CEP170: variants seen among roughly 807,000 people sequenced by gnomAD.
The protein encoded by CEP170 is centrosomal protein 170.
CEP170 carries 21 observed loss-of-function variants against 151.9 expected under a neutral mutation model. The ratio of observed to expected loss-of-function variants is 0.14; its 90% CI spans 0.10 to 0.20. The LOEUF is 0.20. Ranked by LOEUF, CEP170 falls within the 10% of genes least tolerant of loss-of-function variation. CEP170 has a pLI of 1.00. For synonymous variants in CEP170, 356 were observed against 648.8 expected, an observed-to-expected ratio of 0.55 and a Z score of 6.86; for missense variants, 964 against 1,892.9, an observed-to-expected ratio of 0.51 and a Z score of 9.11.
chr1:243,237,648 T>C (rs1003562281), intron 1 of CEP170, among the ~76,000 whole-genome samples: 5 of 152,190 alleles, frequency 3.3e-5, no homozygotes, highest in South Asian at 2.1e-4. Context: ...ACGCCTGTAA[T>C]CCCAGCACTT....
chr1:243,226,049 A>ATATATC (rs1558645311), intron 1 of CEP170, among the ~76,000 whole-genome samples: 73 of 9,828 alleles, frequency 7.4e-3, no homozygotes, highest in African/African-American at 9.0e-3. Context: ...CTCTAGATAT[A>ATATATC]TATATCTAGA....
At chr1:243,152,303 G>A (rs2057163870) in intron 14 of CEP170, among the ~76,000 whole-genome samples, 1 of 145,298 alleles carries the variant, frequency 6.9e-6, no homozygotes, top group South Asian at 2.2e-4. Context: ...GTCACTGCAA[G>A]CTCCGCCTCC....
intron 3 of CEP170, among the ~76,000 whole-genome samples, chr1:243,217,224 C>A (rs1453202686): frequency 6.6e-6 from 1 of 152,054 alleles, no homozygotes; most frequent in Non-Finnish European, 1.5e-5. Flanking sequence ...ACTCTAATTA[C>A]AAAACAGAAG....
intron 16 of CEP170, among the ~76,000 whole-genome samples, chr1:243,137,620 C>G: frequency 6.6e-6 from 1 of 151,830 alleles, no homozygotes; most frequent in East Asian, 1.9e-4. Context: ...ACTAAAAATA[C>G]AAAAATTAGC....
At chr1:243,232,993 GA>G (rs2063891315) in intron 1 of CEP170, among the ~76,000 whole-genome samples, 1 of 152,208 alleles carries the variant, frequency 6.6e-6, no homozygotes, top group Admixed American at 6.5e-5. Flanking sequence ...GGATAACCTA[GA>G]AATTTCCAGG....
chr1:243,172,489 G>A (rs537494792), intron 11 of CEP170, among the ~76,000 whole-genome samples: 7 of 152,242 alleles, frequency 4.6e-5, no homozygotes, highest in African/African-American at 9.6e-5. Flanking sequence ...GAAATTAGCC[G>A]GGCATGGCGG....
intron 4 of CEP170, among the ~76,000 whole-genome samples, chr1:243,209,686 T>G (rs1039101578): frequency 3.5e-5 from 5 of 141,788 alleles, no homozygotes; most frequent in African/African-American, 1.1e-4. Flanking sequence ...TAACAGATGG[T>G]TTTTTTTTTT....
intron 11 of CEP170, among the ~76,000 whole-genome samples, chr1:243,170,418 T>A (rs1319616241): frequency 6.6e-6 from 1 of 151,960 alleles, no homozygotes; most frequent in Non-Finnish European, 1.5e-5. Flanking sequence ...TTTAATACAT[T>A]AATAATGACA....
At chr1:243,152,999 T>C (rs1305935568) in intron 14 of CEP170, among the ~76,000 whole-genome samples, 1 of 152,176 alleles carries the variant, frequency 6.6e-6, no homozygotes, top group East Asian at 1.9e-4. Flanking sequence ...CTGTGATTCA[T>C]GGAGGAGGTA....
Position 243,191,110 on chromosome 1 carries a change from T to C in CEP170, c.1016A>G (p.Gln339Arg). ...CCATAGCATTTGAGGAGGGTTGTTT[T>C]GTGCTAGCCAGTCAGCAACTTTGTT... Reference protein sequence around the residue: ...PENKVADWLAQNNPPQMLWER... With the variant: ...PENKVADWLARNNPPQMLWER... Residue 339 changes from glutamine to arginine, a missense_variant, in exon 8 of 20, where the codon CAA becomes CGA. Coordinates refer to ENST00000366542, the MANE Select transcript of CEP170 (RefSeq NM_014812.3). 3 of 1,613,454 alleles carry C rather than the reference T, an allele frequency of 1.9e-6. No homozygotes were observed. Among genetic ancestry groups the C allele is most frequent in the Non-Finnish European group, 2.5e-6 (3 of 1,179,548 alleles).
At chr1:243,163,200 A>G (rs2058203046) in intron 13 of CEP170, 1 of 152,220 alleles carries the variant, frequency 6.6e-6, no homozygotes, top group Non-Finnish European at 1.5e-5. Flanking sequence ...GTAGATGTAA[A>G]CCAATCAAAA....
chr1:243,153,887 C>T (rs1430331560), intron 14 of CEP170, among the ~76,000 whole-genome samples: 4 of 152,214 alleles, frequency 2.6e-5, no homozygotes, highest in African/African-American at 4.8e-5. Context: ...TATTGTAGCT[C>T]TGTTTACCCT....
intron 1 of CEP170, among the ~76,000 whole-genome samples, chr1:243,231,235 A>G (rs981324244): frequency 2.0e-5 from 3 of 151,738 alleles, no homozygotes; most frequent in African/African-American, 7.3e-5. Context: ...TTAAGCAAGC[A>G]GAAATTAAGA....
intron 11 of CEP170, among the ~76,000 whole-genome samples, chr1:243,172,355 C>T (rs2058907329): frequency 1.3e-5 from 2 of 152,146 alleles, no homozygotes; most frequent in African/African-American, 4.8e-5. Context: ...AGAATTCAGG[C>T]CAAGTGCGGT....
intron 1 of CEP170, 63 bp from the exon 2 acceptor site, chr1:243,225,384 A>G: frequency 1.7e-6 from 1 of 605,758 alleles, no homozygotes; most frequent in Non-Finnish European, 2.8e-6. Context: ...GCTATTCACC[A>G]AACACTGGAA....
chr1:243,149,979 A>G (rs1198520158), intron 14 of CEP170, among the ~76,000 whole-genome samples: 1 of 152,010 alleles, frequency 6.6e-6, no homozygotes, highest in Non-Finnish European at 1.5e-5. Flanking sequence ...CATAAACCAC[A>G]GTTCTATTTT....
At chr1:243,178,479 A>G (rs1333769745) in intron 10 of CEP170, among the ~76,000 whole-genome samples, 2 of 152,058 alleles carry the variant, frequency 1.3e-5, no homozygotes, top group Admixed American at 6.5e-5. Flanking sequence ...TAGAGACAAA[A>G]AGTAGATTAG....
At chr1:243,148,562 ACT>A (rs1476262531) in intron 14 of CEP170, among the ~76,000 whole-genome samples, 1 of 152,172 alleles carries the variant, frequency 6.6e-6, no homozygotes, top group African/African-American at 2.4e-5. Context: ...TGACAGTGAG[ACT>A]CTGTCTCAAA....
At chr1:243,134,249 T>C (rs543463220) in intron 17 of CEP170, among the ~76,000 whole-genome samples, 1 of 152,308 alleles carries the variant, frequency 6.6e-6, no homozygotes, top group African/African-American at 2.4e-5. Flanking sequence ...AACAGGGGTC[T>C]TTGTTTTGTC....
Sources: allele counts gnomAD v4.1 joint callset (sites outside exome capture counted in the v4.1 genomes callset), GRCh38; gene constraint gnomAD v4.1.1; transcripts MANE v1.5; gene names NCBI Gene and HGNC (gene_info 2026-07-23, HGNC 2026-07-21).